SAMD5: variants seen among roughly 807,000 people sequenced by gnomAD.
SAMD5 encodes the protein sterile alpha motif domain-containing protein 5.
A neutral mutation model predicts 11.3 loss-of-function variants in SAMD5; 13 were observed. The ratio of observed to expected loss-of-function variants is 1.15; its 90% CI spans 0.75 to 1.83. The LOEUF is 1.83. SAMD5 is among the 40% of genes most tolerant of loss of function. The probability of loss-of-function intolerance (pLI) is 0.00; values close to 1 mark genes in which losing one functional copy is unlikely to be tolerated. For missense variants in SAMD5, 255 were observed against 239.1 expected (o/e 1.07, Z -0.44); for synonymous variants, 129 against 111.3 (o/e 1.16, Z -1.00).
At chr6:147,677,416 T>C in intron 1 of SAMD5, among the ~76,000 whole-genome samples, 1 of 152,012 alleles carries the variant, frequency 6.6e-6, no homozygotes, top group South Asian at 2.1e-4. Flanking sequence ...AGCAATGAGT[T>C]GGTGTTGGAA....
At chr6:147,861,763 C>T in the SAMD5 span, among the ~76,000 whole-genome samples, 1 of 152,150 alleles carries the variant, frequency 6.6e-6, no homozygotes. Context: ...AGGACCCATC[C>T]TTAAAGCCCA....
At chr6:147,704,511 A>G (rs1791298634) in intron 1 of SAMD5, among the ~76,000 whole-genome samples, 1 of 152,162 alleles carries the variant, frequency 6.6e-6, no homozygotes, top group Admixed American at 6.5e-5. Flanking sequence ...TAAATTCTAT[A>G]GTTAATTTGT....
At chr6:147,905,417 G>A in the SAMD5 span, among the ~76,000 whole-genome samples, 1 of 152,142 alleles carries the variant, frequency 6.6e-6, no homozygotes, top group African/African-American at 2.4e-5. Flanking sequence ...CTGAGTTCAG[G>A]AGACCTGCCT....
the SAMD5 span, among the ~76,000 whole-genome samples, chr6:147,874,963 C>T: frequency 2.0e-5 from 3 of 151,964 alleles, no homozygotes; most frequent in African/African-American, 7.3e-5. Flanking sequence ...AGAAAATGCC[C>T]AAATGGTAAG....
chr6:147,706,928 T>C (rs560847529), intron 1 of SAMD5, among the ~76,000 whole-genome samples: 14 of 152,310 alleles, frequency 9.2e-5, no homozygotes, highest in African/African-American at 3.1e-4. Context: ...CCCACACTAT[T>C]TATGACTGAG....
At chr6:147,896,872 G>A in the SAMD5 span, among the ~76,000 whole-genome samples, 3 of 151,852 alleles carry the variant, frequency 2.0e-5, no homozygotes, top group African/African-American at 7.3e-5. Context: ...TGCAGAGCAT[G>A]GACGAACCTC....
intron 1 of SAMD5, among the ~76,000 whole-genome samples, chr6:147,658,145 A>G (rs1363273650): frequency 3.9e-5 from 6 of 152,222 alleles, no homozygotes; most frequent in South Asian, 2.1e-4. Context: ...GGCCAGTCCT[A>G]TGACCTCTGG....
chr6:147,954,388 C>T, the SAMD5 span, among the ~76,000 whole-genome samples: 3 of 151,948 alleles, frequency 2.0e-5, no homozygotes, highest in Non-Finnish European at 4.4e-5. Context: ...AGCGGTGGTC[C>T]CATCAGATTA....
the SAMD5 span, among the ~76,000 whole-genome samples, chr6:147,810,965 G>T: frequency 6.6e-6 from 1 of 152,182 alleles, no homozygotes; most frequent in Non-Finnish European, 1.5e-5. Flanking sequence ...GACCAAGTGA[G>T]AACATGTTAA....
At chr6:147,613,389 A>G (rs1789815880) in intron 1 of SAMD5, among the ~76,000 whole-genome samples, 1 of 151,902 alleles carries the variant, frequency 6.6e-6, no homozygotes, top group African/African-American at 2.4e-5. Context: ...TCCATTGTCA[A>G]ACTTCTGGCC....
intron 1 of SAMD5, among the ~76,000 whole-genome samples, chr6:147,723,402 G>A (rs1251946188): frequency 9.2e-5 from 14 of 152,168 alleles, no homozygotes; most frequent in Admixed American, 9.2e-4. Flanking sequence ...CTTTGGCTCT[G>A]CCATGGAACA....
intron 1 of SAMD5, among the ~76,000 whole-genome samples, chr6:147,543,044 C>G (rs1190458331): frequency 6.6e-6 from 1 of 151,998 alleles, no homozygotes; most frequent in Non-Finnish European, 1.5e-5. Flanking sequence ...ACCAGCTCCC[C>G]TGGGCAGGCC....
rs1789102612 is a variant in SAMD5 at position 147,569,509 on chromosome 6, C to T, written c.*5053C>T. 1 of 858,178 alleles carries T rather than the reference C, an allele frequency of 1.2e-6. No individual in the cohort carries two copies. The allele number at this position is 858,178 out of a possible 1,614,324, so 53.2% of individuals were successfully genotyped here. On this transcript the variant is annotated 3_prime_UTR_variant, in exon 2 of 2. Coordinates refer to ENST00000367474, the MANE Select transcript of SAMD5 (RefSeq NM_001030060.3). ...AAATATTATTTAAGATGGGAAATGT[C>T]TTTTATAGGTATATTCTGTATAATA...
chr6:147,602,545 A>G (rs1455934926), intron 1 of SAMD5, among the ~76,000 whole-genome samples: 1 of 152,186 alleles, frequency 6.6e-6, no homozygotes, highest in Non-Finnish European at 1.5e-5. Context: ...GGAGTTCAAG[A>G]CCAGCCTGGC....
chr6:147,720,689 A>T (rs1416594089), intron 1 of SAMD5, among the ~76,000 whole-genome samples: 1 of 151,696 alleles, frequency 6.6e-6, no homozygotes, highest in Non-Finnish European at 1.5e-5. Flanking sequence ...TCTTTTTTTT[A>T]AAGTCTATAT....
intron 1 of SAMD5, among the ~76,000 whole-genome samples, chr6:147,643,792 G>T (rs554112781): frequency 7.1e-6 from 1 of 141,270 alleles, no homozygotes; most frequent in Non-Finnish European, 1.5e-5. Flanking sequence ...AAGGAAGGAA[G>T]GAAAGAGAGA....
the SAMD5 span, among the ~76,000 whole-genome samples, chr6:147,801,053 T>A: frequency 1.3e-5 from 2 of 152,124 alleles, no homozygotes; most frequent in African/African-American, 4.8e-5. Flanking sequence ...ACATTACTGG[T>A]TTTAATGTAA....
the SAMD5 span, among the ~76,000 whole-genome samples, chr6:147,948,397 C>T: frequency 6.6e-6 from 1 of 151,984 alleles, no homozygotes; most frequent in Non-Finnish European, 1.5e-5. Flanking sequence ...TGAGCTGACA[C>T]AGAAAATGCT....
chr6:147,823,715 G>A, the SAMD5 span, among the ~76,000 whole-genome samples: 1 of 152,198 alleles, frequency 6.6e-6, no homozygotes, highest in African/African-American at 2.4e-5. Context: ...ACAGATGTAA[G>A]CTAAATCTAA....
Sources: allele counts gnomAD v4.1 joint callset (sites outside exome capture counted in the v4.1 genomes callset), GRCh38; gene constraint gnomAD v4.1.1; transcripts MANE v1.5; gene names NCBI Gene and HGNC (gene_info 2026-07-23, HGNC 2026-07-21).